The following FUT8 variants were observed in gnomAD, a reference collection of about 807,000 sequenced individuals.
The protein encoded by FUT8 is fucosyltransferase 8.
A neutral mutation model predicts 71.3 loss-of-function variants in FUT8; 29 were observed. The observed-to-expected ratio is 0.41, with a 90% confidence interval of 0.30 to 0.55. The LOEUF is 0.55. FUT8 is among the 20% of genes least tolerant of loss of function. The probability of loss-of-function intolerance (pLI) is 0.34; values close to 1 mark genes in which losing one functional copy is unlikely to be tolerated. For missense variants in FUT8, 544 were observed against 702.1 expected, an observed-to-expected ratio of 0.77 and a Z score of 2.55; for synonymous variants, 254 against 239.3, an observed-to-expected ratio of 1.06 and a Z score of -0.57.
chr14:65,431,156 C>G (rs1338750644), intron 1 of FUT8, among the ~76,000 whole-genome samples: 4 of 141,990 alleles, frequency 2.8e-5, no homozygotes, highest in Non-Finnish European at 6.3e-5. Context: ...CCACTATACC[C>G]GGCTAATTTT....
At chr14:65,442,823 T>TA (rs34820585) in intron 1 of FUT8, among the ~76,000 whole-genome samples, 54,512 of 136,406 alleles carry the variant, frequency 0.4, 11,848 homozygotes, top group Non-Finnish European at 0.52. Flanking sequence ...CCCATCTCAT[T>TA]AAAAAAAAAA....
At chr14:65,418,120 A>C (rs2065244032) in intron 1 of FUT8, among the ~76,000 whole-genome samples, 1 of 152,210 alleles carries the variant, frequency 6.6e-6, no homozygotes, top group African/African-American at 2.4e-5. Context: ...GACGGTTAGA[A>C]TTAGTTTTTC....
In FUT8 at chr14:65,669,538, A is replaced by G. The variant is rs1892378630; in HGVS notation, c.835+58A>G. The stretch of plus-strand genomic sequence containing the variant: ...GGCTGTTTCACTCAATTACCAGATT[A>G]TTAGATTTCTAGGTAGACCTTCATG... On this transcript the variant is annotated intron_variant, in intron 7 of 10. Coordinates refer to ENST00000673929, the MANE Select transcript of FUT8 (RefSeq NM_001371533.1). This position sits in a 1 kb window ranked among gnomAD's most constrained non-coding sequence, Gnocchi z 4.5. 2 of 1,201,166 alleles carry G rather than the reference A, an allele frequency of 1.7e-6. No homozygotes were observed. The highest frequency in any genetic ancestry group is 2.5e-6 in the Non-Finnish European group (2 of 811,280). 74.4% of individuals were successfully genotyped at this position (1,201,166 alleles called of 1,614,324 possible). A position where few individuals can be genotyped will look rare whatever the true frequency, so the allele number is the denominator to read the frequency against.
In FUT8 at chr14:65,566,399, A is replaced by AT. The variant is rs1204448260; in HGVS notation, c.203+4636dup. Among the ~76,000 whole-genome samples the AT allele has an allele frequency of 3.3e-5, 5 of 152,106 alleles. No individual in the cohort carries two copies. In the East Asian group the frequency reaches 9.6e-4, roughly 29 times the overall value. On this transcript the variant is annotated intron_variant, in intron 3 of 10. Coordinates refer to ENST00000673929, the MANE Select transcript of FUT8 (RefSeq NM_001371533.1). The stretch of plus-strand genomic sequence containing the variant: ...GGAACTACAAAGAATGTGTAACCGC[A>AT]TTTAACCTACCGTTCTCACCACAGA...
At chr14:65,740,945 A>G (rs1159261432) in intron 10 of FUT8, among the ~76,000 whole-genome samples, 2 of 152,018 alleles carry the variant, frequency 1.3e-5, no homozygotes, top group Admixed American at 6.6e-5. Flanking sequence ...TGCTCCACTG[A>G]GCAGATAAGC....
chr14:65,639,731 C>G (rs140993413), intron 6 of FUT8, among the ~76,000 whole-genome samples: 174 of 152,146 alleles, frequency 1.1e-3, no homozygotes, highest in African/African-American at 3.9e-3. Context: ...ACCCTTTTGT[C>G]CTCATCACCC....
the FUT8 span, among the ~76,000 whole-genome samples, chr14:65,394,502 C>G: frequency 1.2e-4 from 19 of 152,166 alleles, no homozygotes; most frequent in Non-Finnish European, 1.8e-4. Flanking sequence ...TCATGCCTTC[C>G]CAACAGTCCC....
chr14:65,404,615 C>A, the FUT8 span, among the ~76,000 whole-genome samples: 3 of 152,166 alleles, frequency 2.0e-5, no homozygotes, highest in African/African-American at 7.2e-5. Flanking sequence ...GCTGGGATTA[C>A]AGGCATGTGC....
At position 65,541,324 on chromosome 14, in the gene FUT8, A is replaced by G. The variant is rs140796233; in HGVS notation, c.-227-20013A>G. Among the ~76,000 whole-genome samples, 849 of 152,350 alleles carry G rather than the reference A, an allele frequency of 5.6e-3. 1 individual carries two copies. The highest frequency in any genetic ancestry group is 0.01 in the Middle Eastern group (3 of 294). ...TTTATCATGGGATTATAGTCATTCA[A>G]GATGTCCCACCATATGCCATCTGCA... On this transcript the variant is annotated intron_variant, in intron 2 of 10. Coordinates refer to ENST00000673929, the MANE Select transcript of FUT8 (RefSeq NM_001371533.1).
chr14:65,604,968 G>A (rs1466870217), intron 3 of FUT8, among the ~76,000 whole-genome samples: 1 of 151,838 alleles, frequency 6.6e-6, no homozygotes, highest in African/African-American at 2.4e-5. Context: ...TTGTAAGAAT[G>A]TATCATCCTA....
intron 2 of FUT8, among the ~76,000 whole-genome samples, chr14:65,495,079 A>G (rs2066538295): frequency 6.6e-6 from 1 of 150,720 alleles, no homozygotes; most frequent in Non-Finnish European, 1.5e-5. Flanking sequence ...GGGACTTTGT[A>G]CCTCTTTCTG....
chr14:65,541,407 C>T (rs546091996), intron 2 of FUT8, among the ~76,000 whole-genome samples: 13 of 152,158 alleles, frequency 8.5e-5, no homozygotes, highest in Non-Finnish European at 1.8e-4. Flanking sequence ...GGCCAGAAAA[C>T]CAGGGGAACC....
intron 7 of FUT8, among the ~76,000 whole-genome samples, chr14:65,711,831 A>G (rs1003991056): frequency 4.7e-4 from 71 of 152,316 alleles, no homozygotes; most frequent in African/African-American, 1.6e-3. Flanking sequence ...TATCAGAGGG[A>G]GAGAATATGA....
chr14:65,650,138 TACAA>T (rs1244481036), intron 6 of FUT8, among the ~76,000 whole-genome samples: 3 of 150,638 alleles, frequency 2.0e-5, no homozygotes, highest in Non-Finnish European at 4.4e-5. Flanking sequence ...CTACTAAAAA[TACAA>T]AAAAAAATTA....
At chr14:65,738,665 T>C (rs1251600293) in intron 10 of FUT8, among the ~76,000 whole-genome samples, 2 of 152,058 alleles carry the variant, frequency 1.3e-5, no homozygotes, top group Non-Finnish European at 2.9e-5. Context: ...ACCTGCCATG[T>C]GATTTGAACT....
chr14:65,463,241 TA>T (rs2065993601), intron 2 of FUT8, among the ~76,000 whole-genome samples: 1 of 152,184 alleles, frequency 6.6e-6, no homozygotes, highest in Admixed American at 6.5e-5. Flanking sequence ...TCTAGTCAAT[TA>T]AAAGAGTAGG....
At chr14:65,654,782 G>T (rs558404252) in intron 6 of FUT8, among the ~76,000 whole-genome samples, 2 of 151,668 alleles carry the variant, frequency 1.3e-5, no homozygotes, top group Non-Finnish European at 2.9e-5. Flanking sequence ...ATAAAGTGGC[G>T]TACTTAAATC....
rs369455776 is a variant in FUT8, at chr14:65,450,864, C to T, written c.-325-4757C>T. 2.6e-5 allele frequency among the ~76,000 whole-genome samples: 4 copies of T among 151,254 alleles called. 1 individual carries two copies. The highest frequency in any genetic ancestry group is 4.2e-4 in the South Asian group (2 of 4,776). The stretch of plus-strand genomic sequence containing the variant: ...GTTTACCCAGCCTACCACCCTTCCA[C>T]CCTATTTTTTTTTTTTTTGAGAGGG... On this transcript the variant is annotated intron_variant, in intron 1 of 10. Transcript: ENST00000673929.
the FUT8 span, among the ~76,000 whole-genome samples, chr14:65,378,858 T>TTTTG: frequency 7.0e-6 from 1 of 143,000 alleles, no homozygotes; most frequent in Non-Finnish European, 1.5e-5. Context: ...TTTTTTTTTT[T>TTTTG]TTTTTGAGAT....
Sources: gnomAD v4.1 joint callset for allele counts (sites outside exome capture counted in the v4.1 genomes callset) on GRCh38, gnomAD v4.1.1 for gene constraint, Gnocchi (gnomAD v3.1) non-coding constraint, MANE v1.5 for transcripts, NCBI Gene and HGNC (gene_info 2026-07-23, HGNC 2026-07-21) for gene names.